Variants in ANKRD36C observed in about 807,000 individuals in gnomAD.
The protein encoded by ANKRD36C is ankyrin repeat domain 36C, also known as ankyrin repeat domain-containing protein 36C.
ANKRD36C carries 61 observed loss-of-function variants against 276.4 expected under a neutral mutation model. The observed-to-expected ratio is 0.22, with a 90% CI of 0.18 to 0.27. The LOEUF (loss-of-function observed/expected upper bound fraction) is 0.27. Ranked by LOEUF, ANKRD36C falls within the 10% of genes least tolerant of loss-of-function variation. The probability of loss-of-function intolerance (pLI) is 1.00; values close to 1 mark genes in which losing one functional copy is unlikely to be tolerated. For missense variants in ANKRD36C, 1,447 were observed against 2,032.3 expected (o/e 0.71, Z 5.54); for synonymous variants, 483 against 680.1 (o/e 0.71, Z 4.51).
At chr2:95,923,116 C>A (rs965119507) in intron 32 of ANKRD36C, among the ~76,000 whole-genome samples, 3 of 151,360 alleles carry the variant, frequency 2.0e-5, no homozygotes, top group African/African-American at 4.8e-5. Context: ...ATTATGATCA[C>A]TTTTCCATCT....
chr2:95,954,313 G>A (rs1194092124), intron 13 of ANKRD36C, among the ~76,000 whole-genome samples: 1 of 152,032 alleles, frequency 6.6e-6, no homozygotes, highest in Non-Finnish European at 1.5e-5. Flanking sequence ...ACAATAATTT[G>A]TCCTTATAAA....
chr2:95,913,463 A>G (rs1296715167), intron 40 of ANKRD36C, among the ~76,000 whole-genome samples: 3 of 151,428 alleles, frequency 2.0e-5, no homozygotes, highest in African/African-American at 4.8e-5. Context: ...CAAGAGGAGT[A>G]ATGAGTCACT....
chr2:95,918,917 T>A (rs1677191354), intron 34 of ANKRD36C, among the ~76,000 whole-genome samples: 2 of 134,710 alleles, frequency 1.5e-5, no homozygotes, highest in Non-Finnish European at 3.3e-5. Flanking sequence ...AGTATCATGT[T>A]AGTCTCTAAA....
intron 16 of ANKRD36C, 83 bp from the exon 17 acceptor site, chr2:95,948,679 C>T (rs919794146): frequency 8.2e-5 from 105 of 1,278,626 alleles, no homozygotes; most frequent in Non-Finnish European, 1.0e-4. Flanking sequence ...ACATGCAGGT[C>T]CCCTCCAAAA....
intron 19 of ANKRD36C, among the ~76,000 whole-genome samples, chr2:95,942,906 A>G (rs200504106): frequency 0.021 from 2,420 of 116,916 alleles, no homozygotes; most frequent in South Asian, 0.038. Context: ...ACTGTAGGAG[A>G]TAGTTTTAAA....
chr2:95,880,595 C>T, exon 57 of ANKRD36C: 2 of 1,529,448 alleles, frequency 1.3e-6, no homozygotes, highest in Non-Finnish European at 1.8e-6. Context: ...GAGTAATTAC[C>T]TTCAAGGTGG....
At chr2:95,982,362 C>A (rs866845445) in exon 4 of ANKRD36C, 1 of 1,537,274 alleles carries the variant, frequency 6.5e-7, no homozygotes. Context: ...GGATATTCAT[C>A]CTGTAAAATA....
intron 60 of ANKRD36C, 108 bp downstream of exon 80, chr2:95,867,332 A>G: frequency 1.6e-6 from 1 of 606,604 alleles, no homozygotes; most frequent in East Asian, 2.8e-5. Flanking sequence ...TATTTCTGAG[A>G]TGAACATTCT....
intron 3 of ANKRD36C, among the ~76,000 whole-genome samples, chr2:95,985,205 T>A (rs528158325): frequency 1.3e-5 from 2 of 152,322 alleles, no homozygotes; most frequent in Non-Finnish European, 2.9e-5. Flanking sequence ...AGAAAAGGTG[T>A]TATTCTCATG....
rs1678439344 is a variant in ANKRD36C, at chr2:95,960,668, C to A, written c.902-1G>T. 1 of 1,159,432 alleles carries A rather than the reference C, an allele frequency of 8.6e-7. No homozygotes were observed. Among genetic ancestry groups the A allele is most frequent in the South Asian group, 1.5e-5 (1 of 65,096 alleles). The allele number at this position is 1,159,432 out of a possible 1,614,324, so 71.8% of individuals were successfully genotyped here. On this transcript the variant is annotated splice_acceptor_variant, in intron 8 of 66. Coordinates refer to ENST00000456556, the Ensembl canonical transcript of ANKRD36C. LOFTEE classifies it high-confidence loss of function. ...AAGGCCGGTTGTTTCTGAGAAGACA[C>A]TGAAAACCAGAAGGGATACATAATC...
intron 6 of ANKRD36C, among the ~76,000 whole-genome samples, chr2:95,968,571 C>T (rs1456832055): frequency 2.6e-5 from 4 of 152,184 alleles, no homozygotes; most frequent in African/African-American, 9.7e-5. Flanking sequence ...TTCTCTCACA[C>T]CGCAACAACA....
At chr2:95,935,317 C>T (rs1677685471) in intron 24 of ANKRD36C, 137 bp downstream of exon 24, 1 of 956,400 alleles carries the variant, frequency 1.0e-6, no homozygotes, top group African/African-American at 1.7e-5. Context: ...TAAGCATAGA[C>T]ACTAACAGCA....
intron 65 of ANKRD36C, 34 bp downstream of exon 85, chr2:95,852,092 C>G (rs779755938): frequency 5.7e-6 from 9 of 1,581,456 alleles, no homozygotes; most frequent in Non-Finnish European, 6.9e-6. Context: ...TTTATAAATA[C>G]TCAAGTTATT....
At chr2:95,881,888 A>C (rs1186202420) in intron 56 of ANKRD36C, among the ~76,000 whole-genome samples, 1 of 141,690 alleles carries the variant, frequency 7.1e-6, no homozygotes, top group Non-Finnish European at 1.5e-5. Context: ...CTCATTCTCC[A>C]GTGTTTATGG....
At chr2:95,862,032 C>G (rs529814846) in intron 60 of ANKRD36C, among the ~76,000 whole-genome samples, 1 of 151,628 alleles carries the variant, frequency 6.6e-6, no homozygotes, top group South Asian at 2.1e-4. Flanking sequence ...TTCAGTTAAT[C>G]AACAAAACAT....
At chr2:95,896,490 G>C (rs1237172045) in intron 44 of ANKRD36C, among the ~76,000 whole-genome samples, 2 of 149,844 alleles carry the variant, frequency 1.3e-5, no homozygotes, top group African/African-American at 2.5e-5. Context: ...TCATTAAATA[G>C]CTATTTTATC....
chr2:95,918,610 A>G (rs879437285), intron 34 of ANKRD36C, among the ~76,000 whole-genome samples: 2 of 151,676 alleles, frequency 1.3e-5, no homozygotes, highest in African/African-American at 4.8e-5. Context: ...GATAATATTC[A>G]TTATCTCTCA....
chr2:95,958,542 C>G, intron 12 of ANKRD36C, 49 bp downstream of exon 12: 1 of 1,537,690 alleles, frequency 6.5e-7, no homozygotes, highest in Non-Finnish European at 8.7e-7. Context: ...AAGGGAAGTT[C>G]TCCTCTATCT....
chr2:95,963,138 G>A (rs1573807142), intron 6 of ANKRD36C, among the ~76,000 whole-genome samples: 1 of 152,068 alleles, frequency 6.6e-6, no homozygotes, highest in Middle Eastern at 3.4e-3. Flanking sequence ...AGAACCATGT[G>A]GTGTAATAAT....
Sources: allele counts gnomAD v4.1 joint callset (sites outside exome capture counted in the v4.1 genomes callset), GRCh38; gene constraint gnomAD v4.1.1; transcripts MANE v1.5; gene names NCBI Gene and HGNC (gene_info 2026-07-23, HGNC 2026-07-21).